Variants in KIZ observed in about 807,000 individuals in gnomAD.
KIZ encodes the protein kizuna centrosomal protein, also known as centrosomal protein kizuna.
In KIZ, 68 loss-of-function variants were observed where a neutral mutation model predicts 79.6. The ratio of observed to expected loss-of-function variants is 0.85; its 90% CI spans 0.70 to 1.05. The LOEUF is 1.05. Among genes scored for constraint, KIZ ranks in the 50% least tolerant of loss-of-function variants. The probability of loss-of-function intolerance (pLI) is 0.00; values close to 1 mark genes in which losing one functional copy is unlikely to be tolerated. For synonymous variants in KIZ, 280 were observed against 281.8 expected, an observed-to-expected ratio of 0.99 and a Z score of 0.06; for missense variants, 797 against 800.4, an observed-to-expected ratio of 1.00 and a Z score of 0.05.
rs984081395 is a variant in KIZ, at chr20:21,244,231, T to A, written c.1881-14T>A. ...TTTCTTTTTCAGAACTTAGACTGTTTCTTTATTTTGCAGGCATGAAAACAA... is the reference window on the plus strand; with the variant it reads ...TTTCTTTTTCAGAACTTAGACTGTTACTTTATTTTGCAGGCATGAAAACAA... On this transcript the variant is annotated splice_polypyrimidine_tract_variant and intron_variant, in intron 11 of 12. Transcript: ENST00000619189. The A allele has an allele frequency of 1.3e-6, 2 of 1,571,866 alleles. No individual in the cohort carries two copies. The highest frequency in any genetic ancestry group is 1.7e-5 in the Admixed American group (1 of 59,680).
chr20:21,131,524 G>A (rs1427722524), intron 1 of KIZ, among the ~76,000 whole-genome samples: 1 of 152,152 alleles, frequency 6.6e-6, no homozygotes, highest in African/African-American at 2.4e-5. Context: ...AACAGAGCAA[G>A]CCACCAGTCT....
At chr20:21,141,003 C>T (rs1446207242) in intron 3 of KIZ, among the ~76,000 whole-genome samples, 1 of 151,706 alleles carries the variant, frequency 6.6e-6, no homozygotes, top group Non-Finnish European at 1.5e-5. Flanking sequence ...AAGACCCTGG[C>T]TCTCCAAAAA....
chr20:21,162,703 G>A, intron 5 of KIZ, 147 bp from the exon 6 acceptor site: 1 of 824,526 alleles, frequency 1.2e-6, no homozygotes, highest in East Asian at 2.7e-5. Context: ...TTAAACATTT[G>A]AAAACGTGTT....
At chr20:21,177,800 C>T (rs1477594811) in intron 6 of KIZ, among the ~76,000 whole-genome samples, 1 of 151,992 alleles carries the variant, frequency 6.6e-6, no homozygotes, top group Non-Finnish European at 1.5e-5. Context: ...TATGGATTTC[C>T]AGTTTCTCCC....
chr20:21,170,623 C>T (rs566922249), intron 6 of KIZ, among the ~76,000 whole-genome samples: 45 of 152,250 alleles, frequency 3.0e-4, no homozygotes, highest in African/African-American at 7.9e-4. Flanking sequence ...CTCCTGACCT[C>T]GTGATCTGCC....
chr20:21,199,812 CAT>C (rs1018907469), intron 6 of KIZ, among the ~76,000 whole-genome samples: 1 of 152,110 alleles, frequency 6.6e-6, no homozygotes, highest in African/African-American at 2.4e-5. Flanking sequence ...ACTCTGGTGT[CAT>C]AGAATTATTT....
intron 4 of KIZ, among the ~76,000 whole-genome samples, chr20:21,153,401 G>A (rs143833948): frequency 1.5e-3 from 231 of 152,176 alleles, no homozygotes; most frequent in African/African-American, 5.4e-3. Context: ...TTTTGTGCAA[G>A]ATAATTTACA....
intron 1 of KIZ, among the ~76,000 whole-genome samples, chr20:21,127,973 T>C (rs2031589790): frequency 6.6e-6 from 1 of 152,234 alleles, no homozygotes. Flanking sequence ...AGAATATTAT[T>C]GTCTGTATCC....
At chr20:21,218,648 T>C (rs2036392546) in intron 9 of KIZ, 1 of 152,220 alleles carries the variant, frequency 6.6e-6, no homozygotes, top group African/African-American at 2.4e-5. Context: ...ATTCTTTCTG[T>C]TAATAGCCAA....
At chr20:21,167,329 G>A (rs1236312949) in intron 6 of KIZ, among the ~76,000 whole-genome samples, 1 of 152,184 alleles carries the variant, frequency 6.6e-6, no homozygotes, top group Admixed American at 6.5e-5. Context: ...CATGTTCAGG[G>A]TTCCTTGTGG....
intron 4 of KIZ, among the ~76,000 whole-genome samples, chr20:21,145,955 T>C (rs2032823201): frequency 6.6e-6 from 1 of 152,236 alleles, no homozygotes; most frequent in Admixed American, 6.5e-5. Context: ...GTTTGAGAAG[T>C]GTTTTAAATG....
intron 4 of KIZ, among the ~76,000 whole-genome samples, chr20:21,150,199 GGCCAAGAGGCACAGGT>G (rs141843093): frequency 0.017 from 2,636 of 152,318 alleles, 72 homozygotes; most frequent in African/African-American, 0.059. Flanking sequence ...GAAACGCTTG[GGCCAAGAGGCACAGGT>G]GCTTAGAGGA....
Position 21,188,181 on chromosome 20 carries a change from A to C in KIZ, c.1353-17310A>C, listed in dbSNP as rs2034963118. ...TCTGTGGCAGAGTTGGCCGTAAAGA[A>C]ATTCTCTAACCTACCCTGTTTGATT... On this transcript the variant is annotated intron_variant, in intron 6 of 12. Transcript: ENST00000619189. Among the ~76,000 whole-genome samples the C allele has an allele frequency of 2.0e-5, 3 of 152,232 alleles. No homozygotes were observed. The South Asian group carries it at 6.2e-4, about 32-fold the overall frequency.
At chr20:21,214,499 T>C in intron 7 of KIZ, 36 bp from the exon 8 acceptor site, 1 of 1,548,680 alleles carries the variant, frequency 6.5e-7, no homozygotes, top group Non-Finnish European at 8.8e-7. Flanking sequence ...CTACAGTTTG[T>C]TTTTATTTCT....
At chr20:21,150,084 G>A (rs1390444416) in intron 4 of KIZ, among the ~76,000 whole-genome samples, 1 of 152,180 alleles carries the variant, frequency 6.6e-6, no homozygotes, top group African/African-American at 2.4e-5. Flanking sequence ...ATGCCTCAGG[G>A]ATATCCCATT....
intron 9 of KIZ, among the ~76,000 whole-genome samples, chr20:21,226,888 A>T (rs959951778): frequency 6.6e-6 from 1 of 152,136 alleles, no homozygotes; most frequent in Admixed American, 6.5e-5. Flanking sequence ...AGGATGAAAC[A>T]CCAGTGAGGT....
At chr20:21,142,103 TCACACATA>T (rs560759418) in intron 3 of KIZ, among the ~76,000 whole-genome samples, 188 of 151,902 alleles carry the variant, frequency 1.2e-3, no homozygotes, top group African/African-American at 4.3e-3. Flanking sequence ...ACACTCTCTC[TCACACATA>T]CACACATACA....
At chr20:21,222,151 G>A (rs1038111521) in intron 9 of KIZ, among the ~76,000 whole-genome samples, 2 of 152,198 alleles carry the variant, frequency 1.3e-5, no homozygotes, top group Admixed American at 1.3e-4. Context: ...TATATTGCAG[G>A]GCAGTGCTGT....
chr20:21,206,777 G>T (rs543507786), intron 7 of KIZ, among the ~76,000 whole-genome samples: 2 of 152,220 alleles, frequency 1.3e-5, no homozygotes, highest in African/African-American at 4.8e-5. Flanking sequence ...GACATTGAAG[G>T]AGGGAGCCCT....
Sources: allele counts gnomAD v4.1 joint callset (sites outside exome capture counted in the v4.1 genomes callset), GRCh38; gene constraint gnomAD v4.1.1; transcripts MANE v1.5; gene names NCBI Gene and HGNC (gene_info 2026-07-23, HGNC 2026-07-21).